Variants in SAXO1 observed in about 807,000 individuals in gnomAD.
SAXO1 encodes 4930500O09Rik.
Under a neutral mutation model 17.5 loss-of-function variants are expected in SAXO1, and 21 were observed. That is an observed-to-expected ratio of 1.20 (90% CI 0.85 to 1.72). SAXO1 has a LOEUF of 1.72. SAXO1 is among the 40% of genes most tolerant of loss of function. The probability of loss-of-function intolerance (pLI) is 0.00; values close to 1 mark genes in which losing one functional copy is unlikely to be tolerated. For synonymous variants in SAXO1, 274 were observed against 216.5 expected (o/e 1.27, Z -2.33); for missense variants, 843 against 596.0 (o/e 1.41, Z -4.32).
At chr9:18,962,993 G>T (rs546789864) in intron 1 of SAXO1, among the ~76,000 whole-genome samples, 2 of 152,084 alleles carry the variant, frequency 1.3e-5, no homozygotes, top group Non-Finnish European at 2.9e-5. Context: ...TAAGGAAGGG[G>T]TCCAGTTTCA....
chr9:18,960,110 C>T (rs7024789), intron 1 of SAXO1, among the ~76,000 whole-genome samples: 23,348 of 152,134 alleles, frequency 0.15, 3,771 homozygotes, highest in African/African-American at 0.41. Context: ...TGGGCTCTTC[C>T]GGCCCCTCCC....
chr9:18,928,139 A>G lies in SAXO1; in HGVS notation c.1338T>C (p.Val446=). 6.2e-7 allele frequency: 1 copy of G among 1,614,164 alleles called. No homozygotes were observed. Among genetic ancestry groups the G allele is most frequent in the Non-Finnish European group, 8.5e-7 (1 of 1,180,016 alleles). ...DALGHRIYKP[V]SQAGSQQSSH... ...TGCTCTGCTGAGAGCCTGCCTGGGA[A>G]ACTGGTTTGTATATCCTGTGACCCA... Residue 446 remains valine (V), a synonymous_variant, in exon 4 of 4, where the codon GTT becomes GTC. Coordinates refer to ENST00000380534, the MANE Select transcript of SAXO1 (RefSeq NM_153707.4).
chr9:18,982,878 C>T (rs1261163085), intron 1 of SAXO1, among the ~76,000 whole-genome samples: 1 of 152,036 alleles, frequency 6.6e-6, no homozygotes, highest in Non-Finnish European at 1.5e-5. Flanking sequence ...ACTTCAGAGT[C>T]CAATCAGGAG....
At position 18,961,527 on chromosome 9, in the gene SAXO1, C is replaced by G. The variant is rs536500164; in HGVS notation, c.39-10590G>C. 3.9e-5 allele frequency among the ~76,000 whole-genome samples: 6 copies of G among 152,174 alleles called. No individual in the cohort carries two copies. The South Asian group carries it at 1.2e-3, about 32-fold the overall frequency. On this transcript the variant is annotated intron_variant, in intron 1 of 3. Transcript: ENST00000380534. The stretch of plus-strand genomic sequence containing the variant: ...AACAGACCCCAGTGTGTGATGTTCC[C>G]CTCCCTGTGTCCATGTGTTCTCATT...
chr9:18,967,064 C>A (rs1832749226), intron 1 of SAXO1, among the ~76,000 whole-genome samples: 1 of 152,210 alleles, frequency 6.6e-6, no homozygotes, highest in Non-Finnish European at 1.5e-5. Flanking sequence ...GCCTGGGTAT[C>A]AACAGAGGAG....
rs757458262 is a variant in SAXO1, at chr9:18,941,781, C to T, written c.277G>A (p.Val93Ile). The T allele has an allele frequency of 3.1e-5, 50 of 1,614,042 alleles. No individual in the cohort carries two copies. The highest frequency in any genetic ancestry group is 3.3e-4 in the Middle Eastern group (2 of 6,084). Residue 93 changes from valine to isoleucine, a missense_variant, in exon 3 of 4, where the codon GTC becomes ATC. Physicochemically the swap from Val to Ile is conservative, Grantham distance 29 (BLOSUM62 3). Coordinates refer to ENST00000380534, the MANE Select transcript of SAXO1 (RefSeq NM_153707.4). ...PVKVHQYDQFVPSEENMDLLT... is the reference protein window; with the variant it reads ...PVKVHQYDQFIPSEENMDLLT... Reference sequence around the variant, plus strand: ...AAATCCATATTCTCTTCACTCGGGACGAACTGGTCATACTGGTGGACCTTC... The same window carrying T: ...AAATCCATATTCTCTTCACTCGGGATGAACTGGTCATACTGGTGGACCTTC...
intron 1 of SAXO1, among the ~76,000 whole-genome samples, chr9:19,019,295 A>G (rs1230871903): frequency 1.3e-5 from 2 of 152,158 alleles, no homozygotes; most frequent in African/African-American, 4.8e-5. Flanking sequence ...GAAAAGAAAA[A>G]AGGCTCTTCT....
intron 1 of SAXO1, among the ~76,000 whole-genome samples, chr9:18,956,453 T>C (rs73427285): frequency 6.6e-6 from 1 of 152,162 alleles, no homozygotes; most frequent in Non-Finnish European, 1.5e-5. Flanking sequence ...TACTTATGAC[T>C]TGTCTTGCCT....
At chr9:19,009,249 A>T (rs1183508520) in intron 1 of SAXO1, among the ~76,000 whole-genome samples, 4 of 28,302 alleles carry the variant, frequency 1.4e-4, no homozygotes, top group East Asian at 8.2e-4. Context: ...CCAAATTTAA[A>T]AAAAAAATTT....
At chr9:19,048,077 C>G (rs1836264190) in intron 1 of SAXO1, among the ~76,000 whole-genome samples, 2 of 152,198 alleles carry the variant, frequency 1.3e-5, no homozygotes, top group African/African-American at 4.8e-5. Flanking sequence ...TTTTGAACTT[C>G]TTTTACTGCA....
At chr9:18,971,850 A>G (rs1832954346) in intron 1 of SAXO1, among the ~76,000 whole-genome samples, 1 of 152,220 alleles carries the variant, frequency 6.6e-6, no homozygotes, top group Non-Finnish European at 1.5e-5. Flanking sequence ...CAGATAGTGT[A>G]AAACCCACTC....
chr9:18,982,310 T>C (rs1164489495), intron 1 of SAXO1, among the ~76,000 whole-genome samples: 2 of 152,158 alleles, frequency 1.3e-5, no homozygotes, highest in Admixed American at 1.3e-4. Context: ...AATTTCAATG[T>C]CACATTTCTT....
chr9:19,010,408 T>G (rs34387057), intron 1 of SAXO1, among the ~76,000 whole-genome samples: 2 of 152,046 alleles, frequency 1.3e-5, no homozygotes, highest in African/African-American at 2.4e-5. Flanking sequence ...CAGGGGCTAT[T>G]TGCTGTTTCT....
chr9:18,950,028 AGTCACAG>A (rs1831966236), intron 2 of SAXO1, among the ~76,000 whole-genome samples: 1 of 152,164 alleles, frequency 6.6e-6, no homozygotes, highest in African/African-American at 2.4e-5. Context: ...CTAGATCACC[AGTCACAG>A]GTCACTAACT....
chr9:18,963,422 C>G (rs891050029), intron 1 of SAXO1, among the ~76,000 whole-genome samples: 1 of 152,054 alleles, frequency 6.6e-6, no homozygotes, highest in Non-Finnish European at 1.5e-5. Flanking sequence ...GATACTGATT[C>G]TTCCTATCCA....
At chr9:18,993,364 A>G (rs1324937105) in intron 1 of SAXO1, among the ~76,000 whole-genome samples, 4 of 150,376 alleles carry the variant, frequency 2.7e-5, no homozygotes, top group African/African-American at 9.8e-5. Context: ...TACCTCTCAC[A>G]TCTGTTGAGG....
chr9:19,016,744 A>C (rs927860159), intron 1 of SAXO1, among the ~76,000 whole-genome samples: 2 of 152,120 alleles, frequency 1.3e-5, no homozygotes, highest in Non-Finnish European at 2.9e-5. Context: ...CAGAAATGTA[A>C]ACAAAAGTTA....
intron 1 of SAXO1, among the ~76,000 whole-genome samples, chr9:19,048,022 A>G: frequency 6.6e-6 from 1 of 152,242 alleles, no homozygotes; most frequent in East Asian, 1.9e-4. Flanking sequence ...ATATTGTATT[A>G]TGGAATTTCA....
chr9:18,928,418 C>T lies in SAXO1; in HGVS notation c.1059G>A (p.Glu353=), dbSNP rs768834715. The T allele has an allele frequency of 1.9e-6, 3 of 1,608,934 alleles. No homozygotes were observed. Among genetic ancestry groups the T allele is most frequent in the Middle Eastern group, 1.7e-4 (1 of 6,024 alleles). Residue 353 remains glutamate (E), a synonymous_variant, in exon 4 of 4, where the codon GAG becomes GAA. Coordinates refer to ENST00000380534, the MANE Select transcript of SAXO1 (RefSeq NM_153707.4). ...DYKQWSSMRT[E]PVKPVPQLDL... ...CCAGCTGGGGAACGGGCTTGACTGG[C>T]TCTGTGCGCATGCTGGACCACTGCT... is the stretch of plus-strand genomic sequence containing the variant.
Sources: allele counts gnomAD v4.1 joint callset (sites outside exome capture counted in the v4.1 genomes callset), GRCh38; gene constraint gnomAD v4.1.1; transcripts MANE v1.5; gene names NCBI Gene and HGNC (gene_info 2026-07-23, HGNC 2026-07-21).